The following OR11A1 variants were observed in gnomAD, a reference collection of about 807,000 sequenced individuals.
The protein encoded by OR11A1 is olfactory receptor 11A1.
For missense variants in OR11A1, 380 were observed against 378.2 expected (o/e 1.00, Z -0.04); for synonymous variants, 158 against 152.2 (o/e 1.04, Z -0.28).
intron 1 of OR11A1, among the ~76,000 whole-genome samples, chr6:29,447,522 C>T (rs1426426547): frequency 2.0e-5 from 3 of 152,202 alleles, no homozygotes; most frequent in Non-Finnish European, 4.4e-5. Flanking sequence ...GTAGAAGACT[C>T]TTCTGGCTGG....
intron 1 of OR11A1, among the ~76,000 whole-genome samples, chr6:29,433,026 AT>A (rs1249077819): frequency 6.6e-6 from 1 of 152,290 alleles, no homozygotes; most frequent in East Asian, 1.9e-4. Context: ...AAAATGTAGC[AT>A]TTTTTAGTTA....
At chr6:29,436,763 A>C (rs182038528) in intron 1 of OR11A1, among the ~76,000 whole-genome samples, 103 of 152,366 alleles carry the variant, frequency 6.8e-4, no homozygotes, top group Admixed American at 1.7e-3. Context: ...TAGGTTAGTC[A>C]TAGAGCCAGC....
intron 1 of OR11A1, among the ~76,000 whole-genome samples, chr6:29,454,003 A>C (rs567577369): frequency 3.9e-5 from 6 of 152,308 alleles, no homozygotes; most frequent in Admixed American, 3.9e-4. Flanking sequence ...GGTTGAGACC[A>C]TGGAAGCCAT....
At chr6:29,431,834 C>A in intron 2 of OR11A1, 30 bp downstream of exon 2, 2 of 983,624 alleles carry the variant, frequency 2.0e-6, no homozygotes, top group Non-Finnish European at 2.4e-6. Flanking sequence ...GTGAACTAAG[C>A]TGTAAAGAAT....
chr6:29,440,854 T>TCACCCC, intron 1 of OR11A1: 4 of 1,613,828 alleles, frequency 2.5e-6, no homozygotes, highest in South Asian at 1.1e-5. Context: ...TATGCTGTGG[T>TCACCCC]CACCCCCATC....
chr6:29,437,895 A>G (rs1783762399), intron 1 of OR11A1, among the ~76,000 whole-genome samples: 1 of 152,206 alleles, frequency 6.6e-6, no homozygotes, highest in South Asian at 2.1e-4. Context: ...GGAATTCTGG[A>G]TCAGAGCAGC....
chr6:29,449,281 C>T (rs1207988079), intron 1 of OR11A1, among the ~76,000 whole-genome samples: 4 of 152,094 alleles, frequency 2.6e-5, no homozygotes, highest in African/African-American at 9.7e-5. Flanking sequence ...GGAGAGTCCA[C>T]CTAGGGAGGA....
intron 1 of OR11A1, chr6:29,440,934 A>ACGGTG (rs1345032989): frequency 1.2e-6 from 2 of 1,610,630 alleles, no homozygotes; most frequent in East Asian, 4.5e-5. Context: ...CATCCAGAAA[A>ACGGTG]CGGTGCCTAT....
At position 29,427,561 on chromosome 6, in the gene OR11A1, G is replaced by A. The variant is rs2151359921; in HGVS notation, c.81C>T (p.Phe27=). The A allele has an allele frequency of 6.2e-7, 1 of 1,613,016 alleles. No homozygotes were observed. The highest frequency in any genetic ancestry group is 8.5e-7 in the Non-Finnish European group (1 of 1,180,014). The change falls in exon 5 of 5, where the codon TTC becomes TTT. Residue 27 remains phenylalanine, a synonymous_variant. Transcript: ENST00000377149. ...LGFYDIPELH[F]LFFIVFTAVY... ...CAGCAGTGAATACAATAAAAAACAA[G>A]AAATGCAGTTCAGGGATGTCATAGA... is the stretch of plus-strand genomic sequence containing the variant.
At chr6:29,449,389 T>A (rs1017054201) in intron 1 of OR11A1, among the ~76,000 whole-genome samples, 3 of 152,134 alleles carry the variant, frequency 2.0e-5, no homozygotes, top group African/African-American at 7.2e-5. Context: ...CTCCCTATAA[T>A]CCTATACTAA....
chr6:29,445,206 C>G (rs974443026), intron 1 of OR11A1, among the ~76,000 whole-genome samples: 1 of 152,102 alleles, frequency 6.6e-6, no homozygotes, highest in Non-Finnish European at 1.5e-5. Context: ...GGGGTTTCAC[C>G]ATGTTGGCCA....
chr6:29,439,763 A>C, intron 1 of OR11A1: 1 of 557,562 alleles, frequency 1.8e-6, no homozygotes, highest in East Asian at 2.9e-5. Context: ...AGGCACTATC[A>C]GGAAGAGATG....
chr6:29,446,574 T>C (rs1345826332), intron 1 of OR11A1, among the ~76,000 whole-genome samples: 1 of 152,176 alleles, frequency 6.6e-6, no homozygotes, highest in Non-Finnish European at 1.5e-5. Context: ...ATGATAGATA[T>C]ATTTATTCAC....
chr6:29,438,506 G>T (rs553083784), intron 1 of OR11A1, among the ~76,000 whole-genome samples: 53 of 152,166 alleles, frequency 3.5e-4, no homozygotes, highest in Non-Finnish European at 6.6e-4. Flanking sequence ...ATTACTTTTT[G>T]TAGATGTACT....
At chr6:29,449,654 G>T (rs1183844285) in intron 1 of OR11A1, among the ~76,000 whole-genome samples, 6 of 151,592 alleles carry the variant, frequency 4.0e-5, no homozygotes, top group African/African-American at 1.5e-4. Flanking sequence ...TTGTTGTTTT[G>T]GAGATGGAGT....
chr6:29,431,810 T>A, intron 2 of OR11A1, 54 bp downstream of exon 2: 1 of 974,866 alleles, frequency 1.0e-6, no homozygotes, highest in Non-Finnish European at 1.2e-6. Context: ...CCATTTAACT[T>A]TTTTAAAGAA....
At chr6:29,431,718 G>T (rs1783240290) in intron 2 of OR11A1, 146 bp downstream of exon 2, 1 of 265,942 alleles carries the variant, frequency 3.8e-6, no homozygotes, top group South Asian at 1.4e-4. Flanking sequence ...TTCTTGAAAT[G>T]ATTTTTAATA....
Position 29,426,915 on chromosome 6 carries a change from A to C in OR11A1, c.727T>G (p.Ser243Ala), listed in dbSNP as rs747194461. ...ASRRRAFSTC[S>A]SHLAVVTTFY... ...GTGGTCACTACAGCTAGGTGGGAGG[A>C]GCATGTGGAGAAAGCCCTTCTCCTG... The change falls in exon 5 of 5, where the codon TCC (serine) becomes GCC (alanine). Residue 243 changes from serine (S) to alanine (A), a missense_variant. Ser to Ala is a moderately conservative substitution (Grantham distance 99). Coordinates refer to ENST00000377149, the MANE Select transcript of OR11A1 (RefSeq NM_001394828.1). 7.4e-6 allele frequency: 12 copies of C among 1,612,978 alleles called. No individual in the cohort carries two copies. The highest frequency in any genetic ancestry group is 2.5e-6 in the Non-Finnish European group (3 of 1,179,972).
intron 1 of OR11A1, among the ~76,000 whole-genome samples, chr6:29,434,715 C>T (rs1232506321): frequency 2.0e-5 from 3 of 152,144 alleles, no homozygotes; most frequent in Non-Finnish European, 4.4e-5. Flanking sequence ...TTTTTAAGGT[C>T]ATCAGTTCAG....
Sources: gnomAD v4.1 joint callset for allele counts (sites outside exome capture counted in the v4.1 genomes callset) on GRCh38, gnomAD v4.1.1 for gene constraint, MANE v1.5 for transcripts, NCBI Gene and HGNC (gene_info 2026-07-23, HGNC 2026-07-21) for gene names.